EVA1C: variants seen among roughly 807,000 people sequenced by gnomAD.
The protein encoded by EVA1C is protein eva-1 homolog C.
EVA1C carries 25 observed loss-of-function variants against 45.4 expected under a neutral mutation model. That is an observed-to-expected ratio of 0.55 (90% confidence interval 0.40 to 0.77). The LOEUF is 0.77. EVA1C is among the 30% of genes least tolerant of loss of function. The probability of loss-of-function intolerance (pLI) is 0.00; values close to 1 mark genes in which losing one functional copy is unlikely to be tolerated. For synonymous variants in EVA1C, 190 were observed against 221.2 expected, an observed-to-expected ratio of 0.86 and a Z score of 1.25; for missense variants, 479 against 554.8, an observed-to-expected ratio of 0.86 and a Z score of 1.37.
chr21:32,412,719 C>A lies in EVA1C; in HGVS notation c.-135C>A. On this transcript the variant is annotated 5_prime_UTR_variant, in exon 1 of 8. Transcript: ENST00000300255. ...GCCCGCGCAGGGGAGGAGGCTCTGG[C>A]AGCCTGGGCAGGGAGGCGGCGGGGG... 2 of 926,790 alleles carry A rather than the reference C, an allele frequency of 2.2e-6. No homozygotes were observed. The highest frequency in any genetic ancestry group is 2.9e-6 in the Non-Finnish European group (2 of 687,196). The allele number at this position is 926,790 out of a possible 1,614,324, so 57.4% of individuals were successfully genotyped here.
chr21:32,458,622 C>A (rs2035880018), intron 3 of EVA1C, among the ~76,000 whole-genome samples: 1 of 151,966 alleles, frequency 6.6e-6, no homozygotes, highest in Admixed American at 6.6e-5. Flanking sequence ...ACTGGGACTA[C>A]AGGCATGCAC....
Position 32,453,390 on chromosome 21 carries a change from A to G in EVA1C, c.239A>G (p.His80Arg). The G allele has an allele frequency of 6.2e-7, 1 of 1,611,770 alleles. No homozygotes were observed. The highest frequency in any genetic ancestry group is 8.5e-7 in the Non-Finnish European group (1 of 1,179,634). ...GDYLNLQCPRHSTISVQSAFY... is the reference protein window; with the variant it reads ...GDYLNLQCPRRSTISVQSAFY... ...TATTTGAATCTACAGTGCCCTCGGC[A>G]TTCTACGATAAGTGTCCAATCGGCA... The change falls in exon 2 of 8, where the codon CAT becomes CGT. Residue 80 changes from histidine (H) to arginine (R), a missense_variant. This residue lies in a region of EVA1C where 33 missense variants were observed against 64.9 expected (regional missense o/e 0.51). Coordinates refer to ENST00000300255, the MANE Select transcript of EVA1C (RefSeq NM_058187.5).
At chr21:32,428,687 A>G (rs1293040524) in intron 1 of EVA1C, 3 of 152,174 alleles carry the variant, frequency 2.0e-5, no homozygotes. Context: ...GTGGAAAGGT[A>G]AGTTATTAGA....
intron 1 of EVA1C, among the ~76,000 whole-genome samples, chr21:32,426,304 G>A (rs988163040): frequency 3.9e-5 from 6 of 152,174 alleles, no homozygotes; most frequent in African/African-American, 1.4e-4. Flanking sequence ...GACGTGCGAG[G>A]ATGTGTTTGC....
chr21:32,496,541 C>T (rs2037357916), intron 5 of EVA1C, among the ~76,000 whole-genome samples: 1 of 152,188 alleles, frequency 6.6e-6, no homozygotes, highest in Non-Finnish European at 1.5e-5. Flanking sequence ...CATGTCTAAG[C>T]AACTCTAAGT....
At chr21:32,450,170 C>T (rs777939990) in intron 1 of EVA1C, among the ~76,000 whole-genome samples, 1 of 152,158 alleles carries the variant, frequency 6.6e-6, no homozygotes, top group Non-Finnish European at 1.5e-5. Context: ...CTGCACCGCA[C>T]GTACAGGTCT....
At chr21:32,423,283 C>A (rs904185449) in intron 1 of EVA1C, among the ~76,000 whole-genome samples, 1 of 152,058 alleles carries the variant, frequency 6.6e-6, no homozygotes, top group African/African-American at 2.4e-5. Context: ...ACTATAACTT[C>A]CACCCTGAGA....
At chr21:32,465,620 A>C (rs528113018) in intron 3 of EVA1C, among the ~76,000 whole-genome samples, 1 of 152,226 alleles carries the variant, frequency 6.6e-6, no homozygotes, top group South Asian at 2.1e-4. Context: ...GCTGAGCAAA[A>C]TATAGTAGCT....
chr21:32,425,317 A>G (rs2034447484), intron 1 of EVA1C, among the ~76,000 whole-genome samples: 1 of 106,644 alleles, frequency 9.4e-6, no homozygotes, highest in Non-Finnish European at 1.8e-5. Flanking sequence ...CCTGGGAGAC[A>G]GAGTAAGACT....
intron 4 of EVA1C, among the ~76,000 whole-genome samples, chr21:32,488,754 A>T (rs1004388946): frequency 6.6e-6 from 1 of 151,932 alleles, no homozygotes; most frequent in Non-Finnish European, 1.5e-5. Flanking sequence ...CCTGGCTAAT[A>T]TTTGTGTTTT....
intron 1 of EVA1C, among the ~76,000 whole-genome samples, chr21:32,416,321 CTTTTTT>C (rs909665670): frequency 3.0e-5 from 4 of 134,302 alleles, no homozygotes; most frequent in Admixed American, 7.8e-5. Context: ...TTTTCTTTTT[CTTTTTT>C]TTTTTTTTTT....
At chr21:32,448,465 T>A (rs1273100716) in intron 1 of EVA1C, among the ~76,000 whole-genome samples, 1 of 152,206 alleles carries the variant, frequency 6.6e-6, no homozygotes, top group Admixed American at 6.5e-5. Context: ...CAGGACATGA[T>A]GGCCAGCTCG....
intron 4 of EVA1C, among the ~76,000 whole-genome samples, chr21:32,477,898 C>T (rs1232232205): frequency 5.5e-5 from 4 of 72,286 alleles, no homozygotes; most frequent in African/African-American, 1.1e-4. Flanking sequence ...CTCCCCCGTA[C>T]GCCCTCACCT....
intron 7 of EVA1C, among the ~76,000 whole-genome samples, chr21:32,506,165 G>A (rs945439919): frequency 3.3e-5 from 5 of 150,746 alleles, no homozygotes; most frequent in African/African-American, 4.9e-5. Context: ...AGAGATATTC[G>A]TTTAGTGACT....
At chr21:32,493,485 C>T (rs1277122491) in intron 4 of EVA1C, among the ~76,000 whole-genome samples, 3 of 152,284 alleles carry the variant, frequency 2.0e-5, no homozygotes, top group African/African-American at 7.2e-5. Flanking sequence ...CTGTGGCCAG[C>T]CCCTGCAGGG....
chr21:32,426,313 G>A (rs529389472), intron 1 of EVA1C, among the ~76,000 whole-genome samples: 1 of 152,290 alleles, frequency 6.6e-6, no homozygotes, highest in African/African-American at 2.4e-5. Flanking sequence ...GGATGTGTTT[G>A]CAACACATCT....
chr21:32,449,908 C>A (rs1470513090), intron 1 of EVA1C, among the ~76,000 whole-genome samples: 2 of 152,170 alleles, frequency 1.3e-5, no homozygotes, highest in African/African-American at 2.4e-5. Flanking sequence ...TAGGTGTGAG[C>A]CACCACAACT....
intron 1 of EVA1C, among the ~76,000 whole-genome samples, chr21:32,448,595 G>A (rs551744684): frequency 1.3e-5 from 2 of 152,046 alleles, no homozygotes; most frequent in Non-Finnish European, 2.9e-5. Flanking sequence ...ATGTGTTAGA[G>A]AAGTTCTAGG....
intron 1 of EVA1C, among the ~76,000 whole-genome samples, chr21:32,423,320 C>T (rs2034362538): frequency 6.6e-6 from 1 of 152,028 alleles, no homozygotes; most frequent in African/African-American, 2.4e-5. Flanking sequence ...ACAGGTGAGC[C>T]TCAGTTTCAT....
Sources: allele counts gnomAD v4.1 joint callset (sites outside exome capture counted in the v4.1 genomes callset), GRCh38; gene constraint gnomAD v4.1.1; regional missense constraint gnomAD v4.1.1; transcripts MANE v1.5; gene names NCBI Gene and HGNC (gene_info 2026-07-23, HGNC 2026-07-21).